Variants in MCF2L2 observed in about 807,000 individuals in gnomAD.
MCF2L2 encodes the protein probable guanine nucleotide exchange factor MCF2L2.
MCF2L2 carries 102 observed loss-of-function variants against 150.2 expected under a neutral mutation model. That is an observed-to-expected ratio of 0.68 (90% CI 0.58 to 0.80). The LOEUF is 0.80. MCF2L2 is among the 30% of genes least tolerant of loss of function. The pLI is 0.00. For synonymous variants in MCF2L2, 465 were observed against 491.3 expected (o/e 0.95, Z 0.71); for missense variants, 1,256 against 1,372.8 (o/e 0.91, Z 1.34).
At chr3:183,252,744 C>T (rs1317838874) in intron 15 of MCF2L2, among the ~76,000 whole-genome samples, 2 of 152,180 alleles carry the variant, frequency 1.3e-5, no homozygotes, top group Non-Finnish European at 2.9e-5. Flanking sequence ...TTTTATTTTA[C>T]TAAAGTATTT....
At chr3:183,240,497 T>G (rs995468221) in intron 15 of MCF2L2, among the ~76,000 whole-genome samples, 2 of 152,132 alleles carry the variant, frequency 1.3e-5, no homozygotes, top group African/African-American at 4.8e-5. Context: ...GGATTACAGG[T>G]GTGAGAAACC....
At chr3:183,426,023 T>C (rs1330347817) in intron 1 of MCF2L2, among the ~76,000 whole-genome samples, 7 of 151,706 alleles carry the variant, frequency 4.6e-5, no homozygotes, top group Admixed American at 4.6e-4. Context: ...GGGGTAGTAA[T>C]GAGTACCCCA....
At chr3:183,255,668 C>G in intron 15 of MCF2L2, among the ~76,000 whole-genome samples, 1 of 152,098 alleles carries the variant, frequency 6.6e-6, no homozygotes, top group East Asian at 1.9e-4. Context: ...AACTGCTCTG[C>G]CCAGAGAAAA....
At chr3:183,190,161 T>G (rs1163959045) in intron 27 of MCF2L2, among the ~76,000 whole-genome samples, 1 of 152,200 alleles carries the variant, frequency 6.6e-6, no homozygotes, top group Non-Finnish European at 1.5e-5. Context: ...ATAGATAATA[T>G]TTTCCTCAAA....
At chr3:183,354,891 T>C (rs1039633267) in intron 3 of MCF2L2, among the ~76,000 whole-genome samples, 4 of 152,142 alleles carry the variant, frequency 2.6e-5, no homozygotes, top group African/African-American at 7.2e-5. Context: ...ATCAATAACG[T>C]AGTCCCTATA....
chr3:183,265,218 A>C (rs894108085), intron 15 of MCF2L2: 2 of 152,232 alleles, frequency 1.3e-5, no homozygotes, highest in African/African-American at 4.8e-5. Flanking sequence ...TTACACAATA[A>C]ATCTGGCCCC....
intron 15 of MCF2L2, among the ~76,000 whole-genome samples, chr3:183,256,468 G>A (rs1341209517): frequency 6.6e-6 from 1 of 152,130 alleles, no homozygotes; most frequent in South Asian, 2.1e-4. Context: ...CGATTTTTTA[G>A]AAACATTTTA....
chr3:183,282,400 G>C (rs1235820317), intron 14 of MCF2L2, among the ~76,000 whole-genome samples: 1 of 152,126 alleles, frequency 6.6e-6, no homozygotes, highest in South Asian at 2.1e-4. Flanking sequence ...GGATGGTCTC[G>C]ATCTCCTGAC....
chr3:183,415,295 T>C (rs911899041), intron 1 of MCF2L2, among the ~76,000 whole-genome samples: 7 of 152,132 alleles, frequency 4.6e-5, no homozygotes, highest in African/African-American at 1.7e-4. Flanking sequence ...CAACCGATTC[T>C]CCTGCCTCAG....
intron 1 of MCF2L2, among the ~76,000 whole-genome samples, chr3:183,390,030 AT>A (rs1485497785): frequency 6.6e-6 from 1 of 152,200 alleles, no homozygotes; most frequent in Non-Finnish European, 1.5e-5. Context: ...GGAGGGACCA[AT>A]ACAAGGAAAG....
intron 7 of MCF2L2, among the ~76,000 whole-genome samples, chr3:183,314,710 T>G (rs1327367354): frequency 6.6e-6 from 1 of 151,426 alleles, no homozygotes; most frequent in African/African-American, 2.4e-5. Context: ...GATATAAAAG[T>G]TCACTGTACT....
chr3:183,336,221 A>G (rs1201805586), intron 5 of MCF2L2, among the ~76,000 whole-genome samples: 3 of 152,188 alleles, frequency 2.0e-5, no homozygotes, highest in African/African-American at 7.2e-5. Context: ...TTATGTGTAT[A>G]TATATATCAT....
At chr3:183,309,455 A>C (rs1260394662) in intron 10 of MCF2L2, among the ~76,000 whole-genome samples, 1 of 152,122 alleles carries the variant, frequency 6.6e-6, no homozygotes, top group Non-Finnish European at 1.5e-5. Context: ...GTGAGAGGGC[A>C]GGGCTGGTCC....
intron 15 of MCF2L2, among the ~76,000 whole-genome samples, chr3:183,234,029 T>C (rs1723688814): frequency 6.6e-6 from 1 of 152,186 alleles, no homozygotes; most frequent in African/African-American, 2.4e-5. Flanking sequence ...ACATCATACT[T>C]TACTAAGTCA....
chr3:183,302,631 G>A (rs895817653), intron 10 of MCF2L2, among the ~76,000 whole-genome samples: 1 of 152,110 alleles, frequency 6.6e-6, no homozygotes, highest in Admixed American at 6.5e-5. Flanking sequence ...ACTCATTAAG[G>A]GGCTGCTGCA....
At chr3:183,355,748 G>A (rs1018178617) in intron 3 of MCF2L2, among the ~76,000 whole-genome samples, 5 of 151,246 alleles carry the variant, frequency 3.3e-5, no homozygotes, top group African/African-American at 1.2e-4. Flanking sequence ...TTACAGGCGT[G>A]AGCCACCGCA....
intron 3 of MCF2L2, among the ~76,000 whole-genome samples, chr3:183,369,606 A>G (rs992655212): frequency 6.6e-6 from 1 of 152,112 alleles, no homozygotes; most frequent in Non-Finnish European, 1.5e-5. Flanking sequence ...TGCTCAACAT[A>G]AATTCCTGTT....
intron 5 of MCF2L2, among the ~76,000 whole-genome samples, chr3:183,337,044 CTTCT>C (rs1730511552): frequency 6.6e-6 from 1 of 152,172 alleles, no homozygotes; most frequent in South Asian, 2.1e-4. Context: ...CAGTGTCTAG[CTTCT>C]TTCTCTCAAG....
At chr3:183,221,554 T>C (rs1020385638) in intron 20 of MCF2L2, among the ~76,000 whole-genome samples, 2 of 152,084 alleles carry the variant, frequency 1.3e-5, no homozygotes, top group African/African-American at 2.4e-5. Flanking sequence ...AGCTCCTATG[T>C]AAATGTCACC....
Sources: gnomAD v4.1 joint callset for allele counts (sites outside exome capture counted in the v4.1 genomes callset) on GRCh38, gnomAD v4.1.1 for gene constraint, MANE v1.5 for transcripts, NCBI Gene and HGNC (gene_info 2026-07-23, HGNC 2026-07-21) for gene names.